The following APPL1 variants were observed in gnomAD, a reference collection of about 807,000 sequenced individuals.
APPL1 encodes the protein DCC-interacting protein 13-alpha.
In APPL1, 42 loss-of-function variants were observed where a neutral mutation model predicts 106.8. The ratio of observed to expected loss-of-function variants is 0.39; its 90% confidence interval spans 0.31 to 0.51. APPL1 has a LOEUF of 0.51. Among genes scored for constraint, APPL1 ranks in the 20% least tolerant of loss-of-function variants. APPL1 has a pLI of 0.75. For synonymous variants in APPL1, 263 were observed against 281.8 expected, an observed-to-expected ratio of 0.93 and a Z score of 0.67; for missense variants, 769 against 858.2, an observed-to-expected ratio of 0.90 and a Z score of 1.30.
chr3:57,269,807 G>T lies in APPL1; in HGVS notation c.*120G>T, dbSNP rs2087589680. ...GATTAAGCTTTATATTTGCTTATTTGTTGTAGCTACATTTTAAAAAAAAGA... is the reference window on the plus strand; with the variant it reads ...GATTAAGCTTTATATTTGCTTATTTTTTGTAGCTACATTTTAAAAAAAAGA... On this transcript the variant is annotated 3_prime_UTR_variant, in exon 22 of 22. Coordinates refer to ENST00000288266, the MANE Select transcript of APPL1 (RefSeq NM_012096.3). The T allele has an allele frequency of 8.7e-7, 1 of 1,147,554 alleles. No individual in the cohort carries two copies. The highest frequency in any genetic ancestry group is 1.2e-6 in the Non-Finnish European group (1 of 815,212). 71.1% of individuals were successfully genotyped at this position (1,147,554 alleles called of 1,614,324 possible).
rs907085754 is a variant in APPL1, at chr3:57,228,196, A to G, written c.54+259A>G. Among the ~76,000 whole-genome samples the G allele has an allele frequency of 2.6e-5, 4 of 152,050 alleles. No homozygotes were observed. Among genetic ancestry groups the G allele is most frequent in the Admixed American group, 1.3e-4 (2 of 15,280 alleles). The stretch of plus-strand genomic sequence containing the variant: ...GTGCTCGTGGGCCGGGCGGTCACGT[A>G]CGCGCGCGGGTCCTTTTTATTTGAC... On this transcript the variant is annotated intron_variant, in intron 1 of 21. Transcript: ENST00000288266. The surrounding 1 kb of genome is among the most constrained non-coding windows in gnomAD (Gnocchi z 4.6).
Position 57,269,575 on chromosome 3 carries a change from C to T in APPL1, c.2018C>T (p.Ser673Phe). 1 of 1,613,982 alleles carries T rather than the reference C, an allele frequency of 6.2e-7. No individual in the cohort carries two copies. Among genetic ancestry groups the T allele is most frequent in the African/African-American group, 1.3e-5 (1 of 75,034 alleles). The part of the protein sequence containing the change: ...LEEQSRLIAA[S>F]SRPNQASSEG... ...GAACAAAGTCGGTTGATAGCTGCTT[C>T]CAGTAGACCAAACCAAGCCAGTAGT... Residue 673 changes from serine to phenylalanine, a missense_variant, in exon 22 of 22, where the codon TCC becomes TTC. By Grantham distance (155) the Ser-to-Phe change is radical (BLOSUM62 -2). Coordinates refer to ENST00000288266, the MANE Select transcript of APPL1 (RefSeq NM_012096.3).
In APPL1 at chr3:57,228,746, A is replaced by C. The variant is rs1407547134; in HGVS notation, c.54+809A>C. ...CAGCTATATTTTTTAAAATGTTGGC[A>C]GGGGCTGTAACTTGCATAGGGAAAA... On this transcript the variant is annotated intron_variant, in intron 1 of 21. Coordinates refer to ENST00000288266, the MANE Select transcript of APPL1 (RefSeq NM_012096.3). This position sits in a 1 kb window ranked among gnomAD's most constrained non-coding sequence, Gnocchi z 4.6. 6.6e-6 allele frequency among the ~76,000 whole-genome samples: 1 copy of C among 152,242 alleles called. No individual in the cohort carries two copies. Among genetic ancestry groups the C allele is most frequent in the Non-Finnish European group, 1.5e-5 (1 of 68,044 alleles).
At chr3:57,259,763 G>A in intron 16 of APPL1, 82 bp from the exon 17 acceptor site, 1 of 1,185,608 alleles carries the variant, frequency 8.4e-7, no homozygotes, top group Non-Finnish European at 1.1e-6. Context: ...TTATTCTTTT[G>A]GAAAAGAAAT....
intron 8 of APPL1, 57 bp downstream of exon 8, chr3:57,246,279 G>C: frequency 5.4e-6 from 7 of 1,289,578 alleles, no homozygotes; most frequent in Non-Finnish European, 4.1e-6. Context: ...TATTAAGCTT[G>C]ATATTTACAT....
At chr3:57,233,026 CAA>C (rs1205205813) in intron 1 of APPL1, among the ~76,000 whole-genome samples, 1 of 151,516 alleles carries the variant, frequency 6.6e-6, no homozygotes, top group Non-Finnish European at 1.5e-5. Context: ...AACAAAAAAA[CAA>C]AAAAGAAAAG....
At chr3:57,256,252 C>T (rs2060835560) in intron 13 of APPL1, among the ~76,000 whole-genome samples, 1 of 152,186 alleles carries the variant, frequency 6.6e-6, no homozygotes, top group East Asian at 1.9e-4. Context: ...GTAAATTTAC[C>T]ATGTTAACCA....
rs886376622 is a variant in APPL1, at chr3:57,271,803, C to G, written c.*2116C>G. ...GGAATTTCTACAATAATAAACCCAT[C>G]ATCTCCATAGGTCAGATCGAAGTGC... is the stretch of plus-strand genomic sequence containing the variant. On this transcript the variant is annotated 3_prime_UTR_variant, in exon 22 of 22. Coordinates refer to ENST00000288266, the MANE Select transcript of APPL1 (RefSeq NM_012096.3). 1 of 152,222 alleles carries G rather than the reference C, an allele frequency of 6.6e-6. No homozygotes were observed. The highest frequency in any genetic ancestry group is 1.5e-5 in the Non-Finnish European group (1 of 68,038). 9.4% of individuals were successfully genotyped at this position (152,222 alleles called of 1,614,324 possible).
intron 7 of APPL1, among the ~76,000 whole-genome samples, chr3:57,243,558 G>A (rs1483673742): frequency 6.6e-6 from 1 of 152,192 alleles, no homozygotes; most frequent in African/African-American, 2.4e-5. Context: ...GCAGCTGCTG[G>A]TGGAAACACA....
chr3:57,227,831 G>T lies in APPL1; in HGVS notation c.-53G>T, dbSNP rs983821830. On this transcript the variant is annotated 5_prime_UTR_variant, in exon 1 of 22. Transcript: ENST00000288266. ...TCAGCTGCGGCGGGCGGGCCGGCGCGGGGAGCTGTGGGCGGCAGCTGCGTC... is the reference window on the plus strand; with the variant it reads ...TCAGCTGCGGCGGGCGGGCCGGCGCTGGGAGCTGTGGGCGGCAGCTGCGTC... 3.5e-6 allele frequency: 5 copies of T among 1,412,810 alleles called. No homozygotes were observed. The highest frequency in any genetic ancestry group is 4.7e-6 in the Non-Finnish European group (5 of 1,072,906). 87.5% of individuals were successfully genotyped at this position (1,412,810 alleles called of 1,614,324 possible).
At chr3:57,258,389 G>A (rs1219564756) in intron 15 of APPL1, among the ~76,000 whole-genome samples, 1 of 152,144 alleles carries the variant, frequency 6.6e-6, no homozygotes, top group Non-Finnish European at 1.5e-5. Context: ...CAAACTCCCA[G>A]GGTCAAGCAG....
At chr3:57,242,234 A>G in intron 6 of APPL1, 92 bp downstream of exon 6, 1 of 978,890 alleles carries the variant, frequency 1.0e-6, no homozygotes, top group Non-Finnish European at 1.5e-6. Context: ...ATAATTGAAA[A>G]AAAACCAATT....
chr3:57,267,557 C>G (rs2060901202), intron 19 of APPL1, among the ~76,000 whole-genome samples, 185 bp from the exon 20 acceptor site: 1 of 152,154 alleles, frequency 6.6e-6, no homozygotes. Flanking sequence ...CAGTGGAATC[C>G]TGTAGACTTC....
intron 3 of APPL1, 88 bp from the exon 4 acceptor site, chr3:57,237,957 G>T: frequency 9.6e-7 from 1 of 1,041,456 alleles, no homozygotes; most frequent in Non-Finnish European, 1.4e-6. Context: ...GAAGTTTTCT[G>T]AAGTTATTTA....
chr3:57,238,265 A>C lies in APPL1; in HGVS notation c.285+149A>C. ...ATCCTGGTGGCTGGCTCATCAAAAC[A>C]ATACTTTCTTTACCTGATTAAACAT... On this transcript the variant is annotated intron_variant, in intron 4 of 21. Coordinates refer to ENST00000288266, the MANE Select transcript of APPL1 (RefSeq NM_012096.3). 3 of 577,492 alleles carry C rather than the reference A, an allele frequency of 5.2e-6. 1 individual carries two copies. In the South Asian group the frequency reaches 7.9e-5, roughly 15 times the overall value. 35.8% of individuals were successfully genotyped at this position (577,492 alleles called of 1,614,324 possible).
Position 57,257,255 on chromosome 3 carries a change from G to T in APPL1, c.1257G>T (p.Arg419=). Residue 419 remains arginine (R), a synonymous_variant, in exon 15 of 22, where the codon CGG becomes CGT. Transcript: ENST00000288266. The part of the protein sequence containing the change: ...ESLRPAAGQS[R]PPTARTSSSG... ...CTTGTTTTATGCTTAGACAATCTCG[G>T]CCACCGACAGCTCGAACCAGCAGTT... 6.2e-7 allele frequency: 1 copy of T among 1,611,846 alleles called. No individual in the cohort carries two copies. The highest frequency in any genetic ancestry group is 8.5e-7 in the Non-Finnish European group (1 of 1,179,172).
intron 11 of APPL1, among the ~76,000 whole-genome samples, chr3:57,250,956 T>C (rs940303244): frequency 6.6e-4 from 99 of 149,890 alleles, no homozygotes; most frequent in Middle Eastern, 3.4e-3. Context: ...TACAGGCGCC[T>C]GCTACCACGC....
chr3:57,227,798 G>T lies in APPL1; in HGVS notation c.-86G>T. ...GCTGCAGCCCTTGCCGGAGAGGGCG[G>T]GCCGGGGTCAGCTGCGGCGGGCGGG... On this transcript the variant is annotated 5_prime_UTR_variant, in exon 1 of 22. Coordinates refer to ENST00000288266, the MANE Select transcript of APPL1 (RefSeq NM_012096.3). 1.6e-6 allele frequency: 2 copies of T among 1,227,756 alleles called. No homozygotes were observed. The highest frequency in any genetic ancestry group is 2.2e-6 in the Non-Finnish European group (2 of 923,266). 76.1% of individuals were successfully genotyped at this position (1,227,756 alleles called of 1,614,324 possible). A position where few individuals can be genotyped will look rare whatever the true frequency, so the allele number is the denominator to read the frequency against.
chr3:57,266,032 C>T (rs936827159), intron 19 of APPL1, among the ~76,000 whole-genome samples: 2 of 152,174 alleles, frequency 1.3e-5, no homozygotes, highest in Non-Finnish European at 2.9e-5. Flanking sequence ...TCTTTGCATT[C>T]CTGGGATAAA....
Sources: gnomAD v4.1 joint callset for allele counts (sites outside exome capture counted in the v4.1 genomes callset) on GRCh38, gnomAD v4.1.1 for gene constraint, Gnocchi (gnomAD v3.1) non-coding constraint, MANE v1.5 for transcripts, NCBI Gene and HGNC (gene_info 2026-07-23, HGNC 2026-07-21) for gene names.